ABL1: variants seen among roughly 807,000 people sequenced by gnomAD.
ABL1 encodes ABL proto-oncogene 1, non-receptor tyrosine kinase, also known as tyrosine-protein kinase ABL1.
A neutral mutation model predicts 94.7 loss-of-function variants in ABL1; 11 were observed. The observed-to-expected ratio is 0.12, with a 90% CI of 0.07 to 0.19. The LOEUF is 0.19. ABL1 is among the 10% of genes least tolerant of loss of function. The pLI, the probability that ABL1 is intolerant of heterozygous loss-of-function variation, is 1.00. For synonymous variants in ABL1, 656 were observed against 622.4 expected, an observed-to-expected ratio of 1.05 and a Z score of -0.80; for missense variants, 1,082 against 1,489.4, an observed-to-expected ratio of 0.73 and a Z score of 4.50.
At chr9:130,797,430 A>G (rs1829994966) in intron 1 of ABL1, among the ~76,000 whole-genome samples, 1 of 152,148 alleles carries the variant, frequency 6.6e-6, no homozygotes, top group African/African-American at 2.4e-5. Flanking sequence ...GCTAGAGTGC[A>G]GTAGCATGGT....
chr9:130,742,681 G>C (rs1831834753), intron 1 of ABL1, among the ~76,000 whole-genome samples: 2 of 152,072 alleles, frequency 1.3e-5, no homozygotes, highest in African/African-American at 4.8e-5. Context: ...ACTCTCTGGT[G>C]GTTCCCATTA....
chr9:130,787,725 G>A (rs992784328), intron 1 of ABL1, among the ~76,000 whole-genome samples: 2 of 152,162 alleles, frequency 1.3e-5, no homozygotes, highest in African/African-American at 4.8e-5. Context: ...AGTTCAGACA[G>A]GAATTCTAGT....
At chr9:130,754,415 G>C (rs1305085731) in intron 1 of ABL1, among the ~76,000 whole-genome samples, 1 of 149,686 alleles carries the variant, frequency 6.7e-6, no homozygotes, top group African/African-American at 2.5e-5. Context: ...GGCTGAGGCA[G>C]GAGAATGGCG....
At chr9:130,816,060 G>GCT (rs1830282265) in intron 1 of ABL1, among the ~76,000 whole-genome samples, 7 of 152,038 alleles carry the variant, frequency 4.6e-5, no homozygotes, top group African/African-American at 1.7e-4. Flanking sequence ...CAGAGCCCTG[G>GCT]CAGTCACCTG....
Position 130,787,957 on chromosome 9 carries a change from A to T in ABL1, c.137-66107A>T, listed in dbSNP as rs969326017. On this transcript the variant is annotated intron_variant, in intron 1 of 10. Coordinates refer to the ABL1 transcript ENST00000372348. ...TCTGATTAGCTCAAGAAAAGTTAGGATTTTGTTGATTATCTGGCTTTTTCT... is the reference window on the plus strand; with the variant it reads ...TCTGATTAGCTCAAGAAAAGTTAGGTTTTTGTTGATTATCTGGCTTTTTCT... 7.3e-5 allele frequency among the ~76,000 whole-genome samples: 11 copies of T among 151,528 alleles called. No individual in the cohort carries two copies. The South Asian group carries it at 2.1e-3, about 29-fold the overall frequency.
At chr9:130,859,006 C>T (rs546141848) in intron 3 of ABL1, among the ~76,000 whole-genome samples, 3 of 152,278 alleles carry the variant, frequency 2.0e-5, no homozygotes, top group Middle Eastern at 3.4e-3. Context: ...TAAACCGAGC[C>T]GTTGCCATTT....
chr9:130,803,631 T>C (rs1206733549), intron 1 of ABL1, among the ~76,000 whole-genome samples: 1 of 152,218 alleles, frequency 6.6e-6, no homozygotes, highest in Admixed American at 6.5e-5. Flanking sequence ...AGGAATCTGT[T>C]ATCTGGAGGT....
chr9:130,870,020 T>A (rs1454836939), intron 4 of ABL1, among the ~76,000 whole-genome samples: 1 of 152,210 alleles, frequency 6.6e-6, no homozygotes, highest in Non-Finnish European at 1.5e-5. Context: ...AGATGGGGTT[T>A]CACCATGTTG....
At chr9:130,808,648 A>C (rs986506542) in intron 1 of ABL1, among the ~76,000 whole-genome samples, 1 of 152,196 alleles carries the variant, frequency 6.6e-6, no homozygotes, top group African/African-American at 2.4e-5. Flanking sequence ...ACATAAAATA[A>C]GACAGTTTCA....
chr9:130,834,954 C>T (rs535789015), upstream of ABL1: 550 of 454,944 alleles, frequency 1.2e-3, 3 homozygotes, highest in African/African-American at 0.01. Flanking sequence ...ACGCCCCAGG[C>T]CGCGGTGGAG....
At chr9:130,877,961 T>C (rs11244173) in intron 7 of ABL1, among the ~76,000 whole-genome samples, 54,296 of 151,654 alleles carry the variant, frequency 0.36, 14,242 homozygotes, top group African/African-American at 0.74. Context: ...TATAGGCATC[T>C]ACCACCACGC....
At chr9:130,759,764 C>T (rs997300866) in intron 1 of ABL1, among the ~76,000 whole-genome samples, 9 of 151,980 alleles carry the variant, frequency 5.9e-5, no homozygotes, top group African/African-American at 1.7e-4. Context: ...CATTTCTTCC[C>T]CTAGGACACG....
intron 1 of ABL1, among the ~76,000 whole-genome samples, chr9:130,753,548 C>T (rs1831996962): frequency 6.6e-6 from 1 of 150,726 alleles, no homozygotes; most frequent in Non-Finnish European, 1.5e-5. Flanking sequence ...GCCTCAGCCT[C>T]CCGAGTAGCT....
At chr9:130,840,952 A>G (rs1365766347) in intron 1 of ABL1, among the ~76,000 whole-genome samples, 1 of 152,236 alleles carries the variant, frequency 6.6e-6, no homozygotes. Context: ...TAGGAAGAAT[A>G]GCTTGCTAAT....
intron 1 of ABL1, among the ~76,000 whole-genome samples, chr9:130,743,313 T>TCCAC (rs1831843129): frequency 1.3e-5 from 2 of 152,204 alleles, no homozygotes; most frequent in South Asian, 4.1e-4. Context: ...CCTCAGGTGA[T>TCCAC]CCACCCGTCT....
At chr9:130,725,661 T>C (rs1002688740) in intron 1 of ABL1, among the ~76,000 whole-genome samples, 1 of 152,030 alleles carries the variant, frequency 6.6e-6, no homozygotes, top group Admixed American at 6.6e-5. Flanking sequence ...ATTACAGGCA[T>C]GAGCCACCGT....
At chr9:130,787,761 A>G (rs1312120821) in intron 1 of ABL1, among the ~76,000 whole-genome samples, 11 of 152,188 alleles carry the variant, frequency 7.2e-5, no homozygotes, top group Admixed American at 6.5e-4. Context: ...GCTCAGCTCC[A>G]TAAGAATTCA....
At chr9:130,839,235 C>T (rs946090157) in intron 1 of ABL1, among the ~76,000 whole-genome samples, 6 of 152,038 alleles carry the variant, frequency 3.9e-5, no homozygotes, top group Non-Finnish European at 7.4e-5. Flanking sequence ...CCTGAACTTT[C>T]GAAATTTATT....
chr9:130,873,113 A>G, intron 6 of ABL1, 76 bp downstream of exon 6: 1 of 1,482,196 alleles, frequency 6.7e-7, no homozygotes, highest in Non-Finnish European at 9.1e-7. Context: ...AAAAAGCCCC[A>G]GCCTAGGAGG....
Sources: gnomAD v4.1 joint callset for allele counts (sites outside exome capture counted in the v4.1 genomes callset) on GRCh38, gnomAD v4.1.1 for gene constraint, MANE v1.5 for transcripts, NCBI Gene and HGNC (gene_info 2026-07-23, HGNC 2026-07-21) for gene names.